Variants in ANO9 observed in about 807,000 individuals in gnomAD.
ANO9 encodes anoctamin-9.
ANO9 carries 80 observed loss-of-function variants against 100.5 expected under a neutral mutation model. The ratio of observed to expected loss-of-function variants is 0.80; its 90% CI spans 0.66 to 0.96. ANO9 has a LOEUF of 0.96. Among genes scored for constraint, ANO9 ranks in the 40% least tolerant of loss-of-function variants. The probability of loss-of-function intolerance (pLI) is 0.00; values close to 1 mark genes in which losing one functional copy is unlikely to be tolerated. For synonymous variants in ANO9, 473 were observed against 435.6 expected, an observed-to-expected ratio of 1.09 and a Z score of -1.07; for missense variants, 1,064 against 1,072.7, an observed-to-expected ratio of 0.99 and a Z score of 0.11.
At position 434,197 on chromosome 11, in the gene ANO9, C is replaced by A. The variant is rs184540923; in HGVS notation, c.7-99G>T. Reference sequence around the variant, plus strand: ...TGCAGCGGACCACATGGTCACACACCGTCCCTCCCCACAAGGAGAACAGCA... The same window carrying A: ...TGCAGCGGACCACATGGTCACACACAGTCCCTCCCCACAAGGAGAACAGCA... On this transcript the variant is annotated intron_variant, in intron 1 of 22. Coordinates refer to ENST00000332826, the MANE Select transcript of ANO9 (RefSeq NM_001012302.3). 5.9e-6 allele frequency: 8 copies of A among 1,345,816 alleles called. No individual in the cohort carries two copies. In the African/African-American group the frequency reaches 1.0e-4, roughly 17 times the overall value. The allele number at this position is 1,345,816 out of a possible 1,614,324, so 83.4% of individuals were successfully genotyped here.
chr11:432,111 C>T lies in ANO9; in HGVS notation c.351-57G>A. 2 of 1,590,536 alleles carry T rather than the reference C, an allele frequency of 1.3e-6. No individual in the cohort carries two copies. Among genetic ancestry groups the T allele is most frequent in the Non-Finnish European group, 1.7e-6 (2 of 1,163,532 alleles). ...ACCACAGTGGACCCTGCCTCCAGGT[C>T]TCAACCTGCCCTCTGGTCTGGCCAG... On this transcript the variant is annotated intron_variant, in intron 4 of 22. Coordinates refer to ENST00000332826, the MANE Select transcript of ANO9 (RefSeq NM_001012302.3). This position sits in a 1 kb window ranked among gnomAD's most constrained non-coding sequence, Gnocchi z 4.8.
At chr11:427,139 C>A (rs1848563641) in intron 15 of ANO9, among the ~76,000 whole-genome samples, 1 of 152,192 alleles carries the variant, frequency 6.6e-6, no homozygotes, top group Non-Finnish European at 1.5e-5. Context: ...CACCTGAGGT[C>A]AGGAGCTCGA....
chr11:425,927 T>C (rs1848496285), intron 15 of ANO9, among the ~76,000 whole-genome samples: 1 of 150,074 alleles, frequency 6.7e-6, no homozygotes, highest in Non-Finnish European at 1.5e-5. Flanking sequence ...AGAGATGGGG[T>C]TTCACCGTGT....
chr11:426,293 G>A (rs1485771108), intron 15 of ANO9, among the ~76,000 whole-genome samples: 1 of 152,148 alleles, frequency 6.6e-6, no homozygotes, highest in Non-Finnish European at 1.5e-5. Context: ...TGAGACTGCA[G>A]GTGCGGTAGC....
At position 420,465 on chromosome 11, in the gene ANO9, A is replaced by G; in HGVS notation, c.1784T>C (p.Ile595Thr). The G allele has an allele frequency of 8.1e-6, 13 of 1,602,082 alleles. No homozygotes were observed. Among genetic ancestry groups the G allele is most frequent in the Non-Finnish European group, 1.1e-5 (13 of 1,179,358 alleles). Residue 595 changes from isoleucine to threonine, a missense_variant and splice_region_variant, in exon 19 of 23, where the codon ATC (isoleucine) becomes ACC (threonine). Ile to Thr is a moderately conservative substitution (Grantham distance 89). Transcript: ENST00000332826. ...ATCCTGCGCCCGCCCGGTCTGACCG[A>G]TGTCCTTGGCCTTGCGCGGCACCAG... ...RRLVPRKAKDIGTWLQVLETI... is the reference protein window; with the variant it reads ...RRLVPRKAKDTGTWLQVLETI...
chr11:422,134 G>T lies in ANO9; in HGVS notation c.1335-936C>A, dbSNP rs1275029302. On this transcript the variant is annotated intron_variant, in intron 15 of 22. Transcript: ENST00000332826. This position sits in a 1 kb window ranked among gnomAD's most constrained non-coding sequence, Gnocchi z 4.3. ...GGGAAACATGGCATGAGAAAGTATCGGTCACCCGCAGACACCAGCACAAGT... is the reference window on the plus strand; with the variant it reads ...GGGAAACATGGCATGAGAAAGTATCTGTCACCCGCAGACACCAGCACAAGT... Among the ~76,000 whole-genome samples the T allele has an allele frequency of 6.6e-6, 1 of 152,120 alleles. No individual in the cohort carries two copies. The highest frequency in any genetic ancestry group is 6.5e-5 in the Admixed American group (1 of 15,274).
rs888094403 is a variant in ANO9, at chr11:420,497, C to T, written c.1752G>A (p.Gln584=). Reference sequence around the variant, plus strand: ...TGGCCTTGCGCGGCACCAGGCGCCGCTGCAACCAGACCATCTTGATGGCGT... The same window carrying T: ...TGGCCTTGCGCGGCACCAGGCGCCGTTGCAACCAGACCATCTTGATGGCGT... ...RLDAIKMVWL[Q]RRLVPRKAKD... Residue 584 remains glutamine (Q), a synonymous_variant, in exon 19 of 23, where the codon CAG becomes CAA. Coordinates refer to ENST00000332826, the MANE Select transcript of ANO9 (RefSeq NM_001012302.3). 6.2e-7 allele frequency: 1 copy of T among 1,604,510 alleles called. No homozygotes were observed. Among genetic ancestry groups the T allele is most frequent in the Admixed American group, 1.7e-5 (1 of 59,962 alleles).
intron 1 of ANO9, among the ~76,000 whole-genome samples, chr11:438,183 C>A (rs1307308206): frequency 6.6e-6 from 1 of 152,066 alleles, no homozygotes; most frequent in Admixed American, 6.5e-5. Flanking sequence ...GGGTGCAAAG[C>A]CCCCATCACT....
At chr11:436,423 C>G (rs1006085797) in intron 1 of ANO9, among the ~76,000 whole-genome samples, 5 of 151,908 alleles carry the variant, frequency 3.3e-5, no homozygotes, top group African/African-American at 7.3e-5. Flanking sequence ...TGGCCTCCAG[C>G]CCCCACCCCA....
intron 20 of ANO9, 26 bp from the exon 21 acceptor site, chr11:419,015 G>A (rs1848011013): frequency 6.2e-7 from 1 of 1,612,306 alleles, no homozygotes; most frequent in Non-Finnish European, 8.5e-7. Flanking sequence ...AGGAGTGTGG[G>A]GTGGGGTGGG....
At chr11:425,444 CA>C (rs1259669834) in intron 15 of ANO9, among the ~76,000 whole-genome samples, 1 of 149,346 alleles carries the variant, frequency 6.7e-6, no homozygotes, top group Admixed American at 6.7e-5. Context: ...CAGACAAAAT[CA>C]AAAACAACAA....
chr11:435,683 G>GGTCTA (rs148205560), intron 1 of ANO9, among the ~76,000 whole-genome samples: 3 of 111,390 alleles, frequency 2.7e-5, no homozygotes, highest in Non-Finnish European at 3.7e-5. Flanking sequence ...AGTCTAGTAT[G>GGTCTA]GTCTAGTCTA....
At chr11:437,082 G>T (rs1446452776) in intron 1 of ANO9, among the ~76,000 whole-genome samples, 2 of 151,394 alleles carry the variant, frequency 1.3e-5, no homozygotes, top group Non-Finnish European at 3.0e-5. Flanking sequence ...TCCCACCTGG[G>T]CTCCATGTCC....
In ANO9 at chr11:420,554, C is replaced by G; in HGVS notation, c.1695G>C (p.Ala565=). ...GGATCTCCACGAGGTTGCTGAAGAG[C>G]GCGAGCAGCGGCGCCAGCGGGAAGG... ...VAAFPLAPLL[A]LFSNLVEIRL... is the part of the protein sequence containing the mutation. The change falls in exon 19 of 23, where the codon GCG becomes GCC. Residue 565 remains alanine, a synonymous_variant. Transcript: ENST00000332826. 6.2e-6 allele frequency: 10 copies of G among 1,605,686 alleles called. No homozygotes were observed. The highest frequency in any genetic ancestry group is 8.5e-6 in the Non-Finnish European group (10 of 1,179,550).
In ANO9 at chr11:433,924, T is replaced by C; in HGVS notation, c.95A>G (p.Glu32Gly). 6.4e-7 allele frequency: 1 copy of C among 1,561,822 alleles called. No homozygotes were observed. Among genetic ancestry groups the C allele is most frequent in the Non-Finnish European group, 8.7e-7 (1 of 1,152,928 alleles). ...GGCCACGAGGACATAGTCCCACTGC[T>C]CGGAGGCCTCGGTCTGCAGGGAGGA... Reference protein sequence around the residue: ...EISTCETEASEQWDYVLVAQR... With the variant: ...EISTCETEASGQWDYVLVAQR... The change falls in exon 3 of 23, where the codon GAG becomes GGG. Residue 32 changes from glutamate (E) to glycine (G), a missense_variant. Transcript: ENST00000332826.
At chr11:429,533 C>G in intron 11 of ANO9, 37 bp downstream of exon 11, 1 of 1,609,188 alleles carries the variant, frequency 6.2e-7, no homozygotes, top group Non-Finnish European at 8.5e-7. Context: ...AGCCCCTGCT[C>G]GGGTCGGCCT....
chr11:419,086 T>C, intron 20 of ANO9, 97 bp from the exon 21 acceptor site: 1 of 1,576,324 alleles, frequency 6.3e-7, no homozygotes, highest in Non-Finnish European at 8.6e-7. Context: ...GAGCAAACAG[T>C]GAGGTGGGGG....
Position 429,659 on chromosome 11 carries a change from C to T in ANO9, c.833-7G>A, listed in dbSNP as rs7111432. On this transcript the variant is annotated splice_region_variant and splice_polypyrimidine_tract_variant and intron_variant, in intron 10 of 22. Transcript: ENST00000332826. Reference sequence around the variant, plus strand: ...ATCTCCAGGAACACCGTGGCTGCGGCGGGGGCAAGGAGGGGCATCACTGCA... The same window carrying T: ...ATCTCCAGGAACACCGTGGCTGCGGTGGGGGCAAGGAGGGGCATCACTGCA... The T allele has an allele frequency of 0.59, 943,929 of 1,612,230 alleles. 278,566 individuals are homozygous for T. The highest frequency in any genetic ancestry group is 0.64 in the Middle Eastern group (3,872 of 6,060).
In ANO9 at chr11:433,357, G is replaced by T. The variant is rs79329594; in HGVS notation, c.307C>A (p.His103Asn). 3.3e-3 allele frequency: 5,361 copies of T among 1,607,766 alleles called. 57 individuals carry two copies. In the African/African-American group the frequency reaches 0.042, roughly 13 times the overall value. Residue 103 changes from histidine (H) to asparagine (N), a missense_variant, in exon 4 of 23, where the codon CAC becomes AAC. His to Asn is a moderately conservative substitution (Grantham distance 68). Coordinates refer to ENST00000332826, the MANE Select transcript of ANO9 (RefSeq NM_001012302.3). ...GTGGTCGGCGCGGCCAGCTCGGCGT[G>T]GGGGGCAGGCCCCTCAGGCTCCAGG... ...LLLEPEGPAPHAELAAPTTIP... is the reference protein window; with the variant it reads ...LLLEPEGPAPNAELAAPTTIP...
Sources: allele counts gnomAD v4.1 joint callset (sites outside exome capture counted in the v4.1 genomes callset), GRCh38; gene constraint gnomAD v4.1.1; non-coding constraint Gnocchi (gnomAD v3.1); transcripts MANE v1.5; gene names NCBI Gene and HGNC (gene_info 2026-07-23, HGNC 2026-07-21).